LINGO2: variants seen among roughly 807,000 people sequenced by gnomAD.
LINGO2 encodes the protein leucine-rich repeat and immunoglobulin-like domain-containing nogo receptor-interacting protein 2.
In LINGO2, 14 loss-of-function variants were observed where a neutral mutation model predicts 30.6. That is an observed-to-expected ratio of 0.46 (90% CI 0.30 to 0.72). The LOEUF is 0.72. Ranked by LOEUF, LINGO2 falls within the 30% of genes least tolerant of loss-of-function variation. LINGO2 has a pLI of 0.07. For synonymous variants in LINGO2, 317 were observed against 288.5 expected (o/e 1.10, Z -1.00); for missense variants, 729 against 751.7 (o/e 0.97, Z 0.35).
rs539928894 is a variant in LINGO2, at chr9:28,187,813, T to C, written c.-87+107395A>G. Among the ~76,000 whole-genome samples the C allele has an allele frequency of 9.2e-5, 14 of 152,342 alleles. No individual in the cohort carries two copies. In the South Asian group the frequency reaches 2.9e-3, roughly 32 times the overall value. On this transcript the variant is annotated intron_variant, in intron 4 of 5. Transcript: ENST00000379992. ...ACTTCTTAACATACATATGATAACGTGATCTCTAAGGCTTTTCCATAGTCT... is the reference window on the plus strand; with the variant it reads ...ACTTCTTAACATACATATGATAACGCGATCTCTAAGGCTTTTCCATAGTCT...
At chr9:28,489,495 A>T (rs2135259901) in intron 1 of LINGO2, among the ~76,000 whole-genome samples, 1 of 152,200 alleles carries the variant, frequency 6.6e-6, no homozygotes. Context: ...TATTGTGGCT[A>T]AAAAAGGGCT....
chr9:28,883,206 T>G, the LINGO2 span, among the ~76,000 whole-genome samples: 1 of 152,194 alleles, frequency 6.6e-6, no homozygotes, highest in Non-Finnish European at 1.5e-5. Context: ...ATTCATTCAT[T>G]TATTTAGAGA....
At chr9:28,501,549 T>C (rs1159551253) in intron 1 of LINGO2, among the ~76,000 whole-genome samples, 1 of 152,156 alleles carries the variant, frequency 6.6e-6, no homozygotes, top group East Asian at 1.9e-4. Context: ...AAAATATCAG[T>C]GACCACTGTA....
At chr9:28,221,017 AGGCC>A (rs1162675070) in intron 4 of LINGO2, among the ~76,000 whole-genome samples, 2 of 152,188 alleles carry the variant, frequency 1.3e-5, no homozygotes, top group Non-Finnish European at 2.9e-5. Context: ...ATGCAAAGAT[AGGCC>A]GGATGCGGTG....
At chr9:28,959,562 C>T in the LINGO2 span, among the ~76,000 whole-genome samples, 1 of 147,762 alleles carries the variant, frequency 6.8e-6, no homozygotes, top group Non-Finnish European at 1.5e-5. Context: ...TCATATTCTC[C>T]TTCAGTTCCT....
At chr9:28,639,928 C>T (rs1827488534) in intron 1 of LINGO2, among the ~76,000 whole-genome samples, 2 of 152,084 alleles carry the variant, frequency 1.3e-5, no homozygotes, top group South Asian at 2.1e-4. Context: ...ATGGTCTTTA[C>T]AATTTGGCAT....
At chr9:28,158,654 C>T (rs996879216) in intron 4 of LINGO2, among the ~76,000 whole-genome samples, 1 of 152,060 alleles carries the variant, frequency 6.6e-6, no homozygotes, top group East Asian at 1.9e-4. Flanking sequence ...TATGATATCC[C>T]TAGGGTAACA....
the LINGO2 span, among the ~76,000 whole-genome samples, chr9:28,974,385 G>A: frequency 8.1e-4 from 123 of 152,254 alleles, no homozygotes; most frequent in Admixed American, 6.1e-3. Context: ...CAGCCTGGGC[G>A]ACAGTGGAAG....
intron 1 of LINGO2, among the ~76,000 whole-genome samples, chr9:28,567,573 C>T (rs895679237): frequency 6.6e-6 from 1 of 151,954 alleles, no homozygotes; most frequent in Non-Finnish European, 1.5e-5. Flanking sequence ...CATGCTCTTA[C>T]TTATAAGTGG....
intron 2 of LINGO2, among the ~76,000 whole-genome samples, chr9:28,474,603 C>T (rs1825655758): frequency 6.6e-6 from 1 of 152,142 alleles, no homozygotes; most frequent in African/African-American, 2.4e-5. Flanking sequence ...GCACCAGTTT[C>T]ATTTTAACAA....
the LINGO2 span, among the ~76,000 whole-genome samples, chr9:29,097,117 T>C: frequency 7.2e-6 from 1 of 138,806 alleles, no homozygotes; most frequent in East Asian, 2.5e-4. Context: ...AATATGTATT[T>C]AATAAGAATA....
intron 4 of LINGO2, among the ~76,000 whole-genome samples, chr9:28,064,432 C>T (rs10757707): frequency 0.93 from 140,961 of 152,008 alleles, 65,763 homozygotes; most frequent in Non-Finnish European, 0.98. Context: ...CATTGACGAA[C>T]CAGCTGGGCT....
the LINGO2 span, among the ~76,000 whole-genome samples, chr9:28,925,594 T>C: frequency 6.6e-6 from 1 of 152,230 alleles, no homozygotes; most frequent in African/African-American, 2.4e-5. Context: ...GACTCTGCTC[T>C]CTTTGTATCT....
At chr9:29,072,611 T>TTATATATATATATATATATATATA in the LINGO2 span, among the ~76,000 whole-genome samples, 1,304 of 140,074 alleles carry the variant, frequency 9.3e-3, 62 homozygotes, top group Non-Finnish European at 0.014. Flanking sequence ...TGTCTCTCTT[T>TTATATATATATATATATATATATA]GATATATATA....
chr9:28,593,355 C>T (rs1310680732), intron 1 of LINGO2, among the ~76,000 whole-genome samples: 2 of 152,174 alleles, frequency 1.3e-5, no homozygotes, highest in Non-Finnish European at 1.5e-5. Context: ...TCCCTATTTA[C>T]TAAATGAGGA....
chr9:28,571,533 A>G (rs771727787), intron 1 of LINGO2, among the ~76,000 whole-genome samples: 87 of 152,164 alleles, frequency 5.7e-4, no homozygotes, highest in Admixed American at 1.9e-3. Flanking sequence ...AGGAATTATC[A>G]TTAGTCCCAT....
At chr9:28,189,204 C>T (rs866605898) in intron 4 of LINGO2, among the ~76,000 whole-genome samples, 3 of 144,246 alleles carry the variant, frequency 2.1e-5, no homozygotes, top group Non-Finnish European at 4.5e-5. Flanking sequence ...TCTTTTTTTT[C>T]TACCATATTA....
chr9:27,950,004 C>A (rs1432766625), exon 6 of LINGO2: 2 of 1,614,040 alleles, frequency 1.2e-6, no homozygotes, highest in Non-Finnish European at 1.7e-6. Flanking sequence ...GTGGAACAAT[C>A]TTTTAAAGGC....
In LINGO2 at chr9:28,206,043, T is replaced by A. The variant is rs151024583; in HGVS notation, c.-87+89165A>T. Among the ~76,000 whole-genome samples the A allele has an allele frequency of 5.3e-3, 809 of 151,926 alleles. 12 individuals are homozygous for A. The highest frequency in any genetic ancestry group is 0.033 in the East Asian group (167 of 5,136). Reference sequence around the variant, plus strand: ...AGCCAGGTGTGGTGGTGTCTGTCTGTAATCCTAGTTACTCAGGAGGCTGAG... The same window carrying A: ...AGCCAGGTGTGGTGGTGTCTGTCTGAAATCCTAGTTACTCAGGAGGCTGAG... On this transcript the variant is annotated intron_variant, in intron 4 of 5. Transcript: ENST00000379992.
Sources: gnomAD v4.1 joint callset for allele counts (sites outside exome capture counted in the v4.1 genomes callset) on GRCh38, gnomAD v4.1.1 for gene constraint, MANE v1.5 for transcripts, NCBI Gene and HGNC (gene_info 2026-07-23, HGNC 2026-07-21) for gene names.